The following CDHR2 variants were observed in gnomAD, a reference collection of about 807,000 sequenced individuals.
The protein encoded by CDHR2 is cadherin-related family member 2.
CDHR2 carries 104 observed loss-of-function variants against 138.6 expected under a neutral mutation model. That is an observed-to-expected ratio of 0.75 (90% CI 0.64 to 0.88). The LOEUF (loss-of-function observed/expected upper bound fraction) is 0.88. Ranked by LOEUF, CDHR2 falls within the 40% of genes least tolerant of loss-of-function variation. CDHR2 has a pLI of 0.00. For missense variants in CDHR2, 1,624 were observed against 1,727.6 expected, an observed-to-expected ratio of 0.94 and a Z score of 1.06; for synonymous variants, 755 against 742.8, an observed-to-expected ratio of 1.02 and a Z score of -0.27.
chr5:176,575,114 C>A lies in CDHR2; in HGVS notation c.526C>A (p.Leu176Ile), dbSNP rs926174861. Residue 176 changes from leucine (L) to isoleucine (I), a missense_variant, in exon 8 of 32, where the codon CTC becomes ATC. Coordinates refer to ENST00000261944, the MANE Select transcript of CDHR2 (RefSeq NM_017675.6). Reference protein sequence around the residue: ...VIPSTGDSEHLFRILANGSIV... With the variant: ...VIPSTGDSEHIFRILANGSIV... ...CCCTAGCACTGGGGACAGCGAGCATCTCTTCCGGATCCTGGCCAATGGCTC... is the reference window on the plus strand; with the variant it reads ...CCCTAGCACTGGGGACAGCGAGCATATCTTCCGGATCCTGGCCAATGGCTC... 26 of 1,614,098 alleles carry A rather than the reference C, an allele frequency of 1.6e-5. No homozygotes were observed. The highest frequency in any genetic ancestry group is 2.1e-5 in the Non-Finnish European group (25 of 1,180,058).
rs369907211 is a variant in CDHR2 at position 176,543,001 on chromosome 5, G to A, written c.-16+232G>A. Reference sequence around the variant, plus strand: ...GGGGGTGGCGGTCGGGACGTGCGCGGGGCGCAGGGCACGCGGGGGCTCGGA... The same window carrying A: ...GGGGGTGGCGGTCGGGACGTGCGCGAGGCGCAGGGCACGCGGGGGCTCGGA... On this transcript the variant is annotated intron_variant, in intron 1 of 31. Transcript: ENST00000510636. The surrounding 1 kb of genome is among the most constrained non-coding windows in gnomAD (Gnocchi z 4.0). Among the ~76,000 whole-genome samples, 11 of 152,226 alleles carry A rather than the reference G, an allele frequency of 7.2e-5. No homozygotes were observed. In the East Asian group the frequency reaches 1.6e-3, roughly 21 times the overall value.
intron 1 of CDHR2, among the ~76,000 whole-genome samples, chr5:176,555,939 GT>G (rs376472822): frequency 6.6e-6 from 1 of 152,024 alleles, no homozygotes; most frequent in African/African-American, 2.4e-5. Flanking sequence ...ATGACCTACT[GT>G]TTTTTGTTTT....
intron 6 of CDHR2, among the ~76,000 whole-genome samples, chr5:176,573,366 A>G (rs1258323227): frequency 6.6e-6 from 1 of 152,122 alleles, no homozygotes; most frequent in African/African-American, 2.4e-5. Flanking sequence ...GTGGCTGGGC[A>G]CGGTGGCTCA....
intron 1 of CDHR2, among the ~76,000 whole-genome samples, chr5:176,552,032 A>G (rs1018377165): frequency 6.6e-6 from 1 of 152,162 alleles, no homozygotes. Context: ...TTTTAAAAGG[A>G]GCAAACAGAG....
chr5:176,549,671 T>C (rs1394226666), intron 1 of CDHR2, among the ~76,000 whole-genome samples: 1 of 152,104 alleles, frequency 6.6e-6, no homozygotes, highest in East Asian at 1.9e-4. Context: ...CCTCAAGGGA[T>C]GATTCTTCAG....
At chr5:176,558,489 T>C (rs1055344997) in intron 1 of CDHR2, among the ~76,000 whole-genome samples, 7 of 151,994 alleles carry the variant, frequency 4.6e-5, no homozygotes, top group Admixed American at 1.3e-4. Context: ...GTTCAAGCAA[T>C]TCTCCTGCCT....
Position 176,586,724 on chromosome 5 carries a change from C to A in CDHR2, c.2807-69C>A. ...AGGGGGATGAGCCCTGAGCTGGGCTCGTGACCAGCCTTGGTCCAGGTGGGC... is the reference window on the plus strand; with the variant it reads ...AGGGGGATGAGCCCTGAGCTGGGCTAGTGACCAGCCTTGGTCCAGGTGGGC... On this transcript the variant is annotated intron_variant, in intron 20 of 31. Transcript: ENST00000261944. 3 of 1,441,664 alleles carry A rather than the reference C, an allele frequency of 2.1e-6. No homozygotes were observed. In the Admixed American group the frequency reaches 5.8e-5, roughly 28 times the overall value. 89.3% of individuals were successfully genotyped at this position (1,441,664 alleles called of 1,614,324 possible). A position where few individuals can be genotyped will look rare whatever the true frequency, so the allele number is the denominator to read the frequency against.
At chr5:176,555,417 A>G (rs1227521857) in intron 1 of CDHR2, among the ~76,000 whole-genome samples, 2 of 152,216 alleles carry the variant, frequency 1.3e-5, no homozygotes, top group African/African-American at 2.4e-5. Context: ...ACTCCCAGCA[A>G]GAGCCTGTTT....
rs1334316237 is a variant in CDHR2 at position 176,575,859 on chromosome 5, C to T, written c.960+20C>T. On this transcript the variant is annotated intron_variant, in intron 11 of 31. Transcript: ENST00000261944. ...GTCACGGTGAGCAAAGGCCCCACCA[C>T]CCCTGTCAGAACCCTGCTCTCTAAC... is the stretch of plus-strand genomic sequence containing the variant. 6.5e-7 allele frequency: 1 copy of T among 1,543,834 alleles called. No homozygotes were observed. The highest frequency in any genetic ancestry group is 8.8e-7 in the Non-Finnish European group (1 of 1,141,670).
chr5:176,592,861 C>G, intron 31 of CDHR2, 81 bp downstream of exon 31: 1 of 1,209,346 alleles, frequency 8.3e-7, no homozygotes, highest in Non-Finnish European at 1.2e-6. Context: ...CTCAAGGGAC[C>G]TGCTACTGAC....
At chr5:176,550,649 G>A (rs1458195022) in intron 1 of CDHR2, among the ~76,000 whole-genome samples, 1 of 152,232 alleles carries the variant, frequency 6.6e-6, no homozygotes, top group Non-Finnish European at 1.5e-5. Context: ...TGAAAAAGCA[G>A]AAGTGAAAGT....
At position 176,575,144 on chromosome 5, in the gene CDHR2, G is replaced by C. The variant is rs950111037; in HGVS notation, c.556G>C (p.Val186Leu). Reference protein sequence around the residue: ...LFRILANGSIVLNGSLSYNNK... With the variant: ...LFRILANGSILLNGSLSYNNK... ...CCGGATCCTGGCCAATGGCTCCATA[G>C]TCCTCAATGGCAGCCTCAGCTACAA... Residue 186 changes from valine to leucine, a missense_variant, in exon 8 of 32, where the codon GTC (valine) becomes CTC (leucine). Val to Leu is a conservative substitution (Grantham distance 32). Coordinates refer to ENST00000261944, the MANE Select transcript of CDHR2 (RefSeq NM_017675.6). 1.9e-6 allele frequency: 3 copies of C among 1,614,062 alleles called. No homozygotes were observed. In the African/African-American group the frequency reaches 4.0e-5, roughly 22 times the overall value.
chr5:176,555,039 C>A (rs555023470), intron 1 of CDHR2, among the ~76,000 whole-genome samples: 1 of 152,232 alleles, frequency 6.6e-6, no homozygotes, highest in Admixed American at 6.5e-5. Context: ...TCTTGCTATT[C>A]ATTGCTGTAA....
chr5:176,588,501 G>A (rs1462496522), intron 21 of CDHR2, among the ~76,000 whole-genome samples: 2 of 133,422 alleles, frequency 1.5e-5, no homozygotes, highest in African/African-American at 3.0e-5. Context: ...GTGTGAGGGT[G>A]TGTATGAGTG....
intron 19 of CDHR2, 83 bp downstream of exon 19, chr5:176,585,098 T>G (rs1453075589): frequency 1.3e-5 from 19 of 1,427,940 alleles, no homozygotes; most frequent in Non-Finnish European, 1.6e-5. Context: ...ACTCACAAGG[T>G]CTGGGCTCAG....
At chr5:176,555,549 G>A (rs1757801441) in intron 1 of CDHR2, among the ~76,000 whole-genome samples, 2 of 151,882 alleles carry the variant, frequency 1.3e-5, no homozygotes, top group African/African-American at 2.4e-5. Flanking sequence ...TCAGCCCGGC[G>A]ACACACAGCA....
chr5:176,579,507 C>A (rs1758477918), intron 16 of CDHR2, among the ~76,000 whole-genome samples: 1 of 152,128 alleles, frequency 6.6e-6, no homozygotes, highest in Admixed American at 6.5e-5. Flanking sequence ...TCTGTGAGCT[C>A]CTTGGGGCAG....
At chr5:176,591,354 C>T (rs372622492) in intron 29 of CDHR2, 31 bp downstream of exon 29, 8 of 1,609,598 alleles carry the variant, frequency 5.0e-6, no homozygotes, top group Non-Finnish European at 6.8e-6. Context: ...AGGTAAGAGG[C>T]CTGGTGGGGT....
intron 31 of CDHR2, among the ~76,000 whole-genome samples, chr5:176,594,614 C>T (rs1273563348): frequency 6.6e-6 from 1 of 152,232 alleles, no homozygotes; most frequent in Non-Finnish European, 1.5e-5. Flanking sequence ...GAGCCTGCAG[C>T]TCTCCACTTG....
Sources: allele counts gnomAD v4.1 joint callset (sites outside exome capture counted in the v4.1 genomes callset), GRCh38; gene constraint gnomAD v4.1.1; non-coding constraint Gnocchi (gnomAD v3.1); transcripts MANE v1.5; gene names NCBI Gene and HGNC (gene_info 2026-07-23, HGNC 2026-07-21).